The following SERPINA1 variants were observed in gnomAD, a reference collection of about 807,000 sequenced individuals.
SERPINA1 encodes serpin family A member 1, also known as alpha-1-antitrypsin.
A neutral mutation model predicts 25.4 loss-of-function variants in SERPINA1; 21 were observed. That is an observed-to-expected ratio of 0.83 (90% CI 0.59 to 1.19). The LOEUF (loss-of-function observed/expected upper bound fraction) is 1.19. SERPINA1 is among the 50% of genes most tolerant of loss of function. The pLI is 0.00. For synonymous variants in SERPINA1, 218 were observed against 211.1 expected, an observed-to-expected ratio of 1.03 and a Z score of -0.29; for missense variants, 546 against 509.0, an observed-to-expected ratio of 1.07 and a Z score of -0.70.
chr14:94,386,584 C>T (rs902582238), intron 1 of SERPINA1, among the ~76,000 whole-genome samples: 3 of 152,112 alleles, frequency 2.0e-5, no homozygotes, highest in Admixed American at 6.5e-5. Context: ...GAATAACTGA[C>T]GTAATGCATG....
Position 94,379,513 on chromosome 14 carries a change from C to A in SERPINA1, c.1016G>T (p.Gly339Val). The A allele has an allele frequency of 6.2e-7, 1 of 1,610,410 alleles. No homozygotes were observed. Among genetic ancestry groups the A allele is most frequent in the South Asian group, 1.1e-5 (1 of 90,966 alleles). The change falls in exon 4 of 5, where the codon GGG (glycine) becomes GTG (valine). Residue 339 changes from glycine to valine, a missense_variant. Physicochemically the swap from Gly to Val is moderately radical, Grantham distance 109. Coordinates refer to ENST00000393087, the MANE Select transcript of SERPINA1 (RefSeq NM_000295.5). ...CTCTGTGACCCCGGAGAGGTCAGCC[C>A]CATTGCTGAAGACCTTAGTGATGCC... ...QLGITKVFSN[G>V]ADLSGVTEEA...
intron 3 of SERPINA1, 41 bp downstream of exon 3, chr14:94,380,830 G>A (rs1206359729): frequency 1.2e-6 from 2 of 1,613,986 alleles, no homozygotes; most frequent in Non-Finnish European, 1.7e-6. Context: ...TGGCTAAGAG[G>A]TGTGGGCAGC....
intron 1 of SERPINA1, 89 bp downstream of exon 1, chr14:94,388,471 C>G (rs1235735235): frequency 6.5e-6 from 1 of 152,850 alleles, no homozygotes; most frequent in Admixed American, 6.5e-5. Context: ...ACTCCACAAC[C>G]CCCCTCCTGC....
At chr14:94,387,746 G>A (rs1246939174) in intron 1 of SERPINA1, among the ~76,000 whole-genome samples, 1 of 152,174 alleles carries the variant, frequency 6.6e-6, no homozygotes, top group Non-Finnish European at 1.5e-5. Flanking sequence ...TGGATGGTGT[G>A]TGATTTGGGG....
intron 1 of SERPINA1, among the ~76,000 whole-genome samples, chr14:94,386,612 G>A (rs767487639): frequency 2.4e-4 from 36 of 152,134 alleles, no homozygotes; most frequent in Non-Finnish European, 4.3e-4. Flanking sequence ...ACCAGGTGAG[G>A]AAGCCCTCCC....
rs535608645 is a variant in SERPINA1 at position 94,383,181 on chromosome 14, G to A, written c.57C>T (p.Val19=). ...ILLLAGLCCL[V]PVSLAEDPQG... is the part of the protein sequence containing the mutation. The stretch of plus-strand genomic sequence containing the variant: ...GGGGATCCTCAGCCAGGGAGACAGG[G>A]ACCAGGCAGCACAGGCCTGCCAGCA... The change falls in exon 2 of 5, where the codon GTC becomes GTT. Residue 19 remains valine, a synonymous_variant. Transcript: ENST00000393087. 6.2e-7 allele frequency: 1 copy of A among 1,614,154 alleles called. No homozygotes were observed. Among genetic ancestry groups the A allele is most frequent in the African/African-American group, 1.3e-5 (1 of 75,044 alleles).
chr14:94,388,430 A>C (rs968765770), intron 1 of SERPINA1, 130 bp downstream of exon 1: 1 of 152,436 alleles, frequency 6.6e-6, no homozygotes, highest in African/African-American at 2.4e-5. Flanking sequence ...CAGCCTCTCC[A>C]TCTGCCCTGC....
In SERPINA1 at chr14:94,383,180, G is replaced by T. The variant is rs1595615236; in HGVS notation, c.58C>A (p.Pro20Thr). The T allele has an allele frequency of 6.2e-7, 1 of 1,614,142 alleles. No individual in the cohort carries two copies. The highest frequency in any genetic ancestry group is 1.1e-5 in the South Asian group (1 of 91,080). The change falls in exon 2 of 5, where the codon CCT becomes ACT. Residue 20 changes from proline (P) to threonine (T), a missense_variant. By Grantham distance (38) the Pro-to-Thr change is conservative. Coordinates refer to ENST00000393087, the MANE Select transcript of SERPINA1 (RefSeq NM_000295.5). ...TGGGGATCCTCAGCCAGGGAGACAG[G>T]GACCAGGCAGCACAGGCCTGCCAGC... ...LLLAGLCCLV[P>T]VSLAEDPQGD...
chr14:94,383,124 G>A lies in SERPINA1; in HGVS notation c.114C>T (p.Ser38=). 6.2e-7 allele frequency: 1 copy of A among 1,614,244 alleles called. No individual in the cohort carries two copies. The highest frequency in any genetic ancestry group is 8.5e-7 in the Non-Finnish European group (1 of 1,180,040). Residue 38 remains serine (S), a synonymous_variant, in exon 2 of 5, where the codon TCC becomes TCT. Coordinates refer to ENST00000393087, the MANE Select transcript of SERPINA1 (RefSeq NM_000295.5). ...AGGTTGGGTGATCCTGATCATGGTG[G>A]GATGTATCTGTCTTCTGGGCAGCAT... ...QGDAAQKTDT[S]HHDQDHPTFN...
chr14:94,387,848 G>T (rs527591040), intron 1 of SERPINA1, among the ~76,000 whole-genome samples: 1 of 152,236 alleles, frequency 6.6e-6, no homozygotes, highest in East Asian at 1.9e-4. Context: ...GCTTAATCAC[G>T]CACTGAGCTT....
Position 94,378,490 on chromosome 14 carries a change from G to T in SERPINA1, c.1216C>A (p.Pro406Thr), listed in dbSNP as rs753705146. ...FLMIEQNTKS[P>T]LFMGKVVNPT... Reference sequence around the variant, plus strand: ...TTCACCACTTTTCCCATGAAGAGGGGAGACTTGGTATTTTGTTCAATCATT... The same window carrying T: ...TTCACCACTTTTCCCATGAAGAGGGTAGACTTGGTATTTTGTTCAATCATT... Residue 406 changes from proline (P) to threonine (T), a missense_variant, in exon 5 of 5, where the codon CCC becomes ACC. Transcript: ENST00000393087. The T allele has an allele frequency of 6.2e-7, 1 of 1,614,162 alleles. No individual in the cohort carries two copies. The highest frequency in any genetic ancestry group is 8.5e-7 in the Non-Finnish European group (1 of 1,180,034).
In SERPINA1 at chr14:94,382,645, T is replaced by C; in HGVS notation, c.593A>G (p.Lys198Arg). 1 of 1,614,262 alleles carries C rather than the reference T, an allele frequency of 6.2e-7. No individual in the cohort carries two copies. Among genetic ancestry groups the C allele is most frequent in the Non-Finnish European group, 8.5e-7 (1 of 1,180,050 alleles). The change falls in exon 2 of 5, where the codon AAG becomes AGG. Residue 198 changes from lysine to arginine, a missense_variant. Physicochemically the swap from Lys to Arg is conservative, Grantham distance 26. Coordinates refer to ENST00000393087, the MANE Select transcript of SERPINA1 (RefSeq NM_000295.5). ...AAAAACTGTGTCTCTGTCAAGCTCCTTGACCAAATCCACAATTTTCCCTTG... is the reference window on the plus strand; with the variant it reads ...AAAAACTGTGTCTCTGTCAAGCTCCCTGACCAAATCCACAATTTTCCCTTG... ...GTQGKIVDLV[K>R]ELDRDTVFAL... is the part of the protein sequence containing the mutation.
At position 94,382,992 on chromosome 14, in the gene SERPINA1, A is replaced by G. The variant is rs1424479586; in HGVS notation, c.246T>C (p.Ala82=). The change falls in exon 2 of 5, where the codon GCT becomes GCC. Residue 82 remains alanine, a synonymous_variant. Transcript: ENST00000393087. ...TNIFFSPVSI[A]TAFAMLSLGT... Reference sequence around the variant, plus strand: ...CCAGGGAGAGCATTGCAAAGGCTGTAGCGATGCTCACTGGGGAGAAGAAGA... The same window carrying G: ...CCAGGGAGAGCATTGCAAAGGCTGTGGCGATGCTCACTGGGGAGAAGAAGA... 10 of 1,609,270 alleles carry G rather than the reference A, an allele frequency of 6.2e-6. No homozygotes were observed. In the Admixed American group the frequency reaches 1.7e-4, roughly 27 times the overall value.
Position 94,383,023 on chromosome 14 carries a change from G to C in SERPINA1, c.215C>G (p.Thr72Ser). The C allele has an allele frequency of 6.2e-7, 1 of 1,611,940 alleles. No individual in the cohort carries two copies. Reference protein sequence around the residue: ...YRQLAHQSNSTNIFFSPVSIA... With the variant: ...YRQLAHQSNSSNIFFSPVSIA... ...GCTCACTGGGGAGAAGAAGATATTG[G>C]TGCTGTTGGACTGGTGTGCCAGCTG... The change falls in exon 2 of 5, where the codon ACC becomes AGC. Residue 72 changes from threonine (T) to serine (S), a missense_variant. Thr to Ser is a moderately conservative substitution (Grantham distance 58). Transcript: ENST00000393087.
At chr14:94,383,544 T>G (rs889769061) in intron 1 of SERPINA1, 2 of 479,180 alleles carry the variant, frequency 4.2e-6, no homozygotes, top group South Asian at 5.7e-5. Context: ...GCCAGAGAGA[T>G]TAGGTCAGCT....
At chr14:94,385,808 C>G (rs952228187) in intron 1 of SERPINA1, among the ~76,000 whole-genome samples, 1 of 152,174 alleles carries the variant, frequency 6.6e-6, no homozygotes, top group Non-Finnish European at 1.5e-5. Flanking sequence ...TTCCCCCACA[C>G]CCATCCATCT....
At chr14:94,380,203 T>C (rs1404808375) in intron 3 of SERPINA1, among the ~76,000 whole-genome samples, 1 of 152,274 alleles carries the variant, frequency 6.6e-6, no homozygotes, top group Non-Finnish European at 1.5e-5. Context: ...TCGATTCCTA[T>C]TATGAACCCG....
intron 3 of SERPINA1, 91 bp downstream of exon 3, chr14:94,380,780 T>C (rs112090557): frequency 1.3e-6 from 2 of 1,551,968 alleles, no homozygotes; most frequent in African/African-American, 1.4e-5. Flanking sequence ...TTCACCCTCC[T>C]CAGCCCTCTG....
intron 3 of SERPINA1, 71 bp from the exon 4 acceptor site, chr14:94,379,682 C>G: frequency 6.2e-7 from 1 of 1,604,538 alleles, no homozygotes; most frequent in Non-Finnish European, 8.5e-7. Flanking sequence ...CACCACAGTG[C>G]AAGTGTTTTC....
Sources: allele counts gnomAD v4.1 joint callset (sites outside exome capture counted in the v4.1 genomes callset), GRCh38; gene constraint gnomAD v4.1.1; transcripts MANE v1.5; gene names NCBI Gene and HGNC (gene_info 2026-07-23, HGNC 2026-07-21).